The following CSMD1 variants were observed in gnomAD, a reference collection of about 807,000 sequenced individuals.
The protein encoded by CSMD1 is CUB and Sushi multiple domains 1.
Under a neutral mutation model 417.5 loss-of-function variants are expected in CSMD1, and 213 were observed. The ratio of observed to expected loss-of-function variants is 0.51; its 90% CI spans 0.46 to 0.57. The LOEUF is 0.57. CSMD1 is among the 20% of genes least tolerant of loss of function. The pLI is 0.00. For missense variants in CSMD1, 6,923 were observed against 4,529.7 expected, an observed-to-expected ratio of 1.53 and a Z score of -15.17; for synonymous variants, 2,862 against 1,736.8, an observed-to-expected ratio of 1.65 and a Z score of -16.11.
chr8:4,321,344 C>T (rs1799262462), intron 3 of CSMD1, among the ~76,000 whole-genome samples: 2 of 152,124 alleles, frequency 1.3e-5, no homozygotes, highest in African/African-American at 4.8e-5. Context: ...CGTCTTCTCT[C>T]CTCTCCCGCG....
chr8:3,460,514 T>C (rs1816429944), intron 12 of CSMD1, among the ~76,000 whole-genome samples: 2 of 151,902 alleles, frequency 1.3e-5, no homozygotes, highest in Admixed American at 6.6e-5. Context: ...GTGAGCAAAA[T>C]AGAAGAGTTT....
chr8:3,515,173 T>C (rs1357305574), intron 10 of CSMD1: 1 of 152,236 alleles, frequency 6.6e-6, no homozygotes, highest in South Asian at 2.1e-4. Flanking sequence ...ATGAAAGTCC[T>C]ACTCTCTATG....
intron 2 of CSMD1, among the ~76,000 whole-genome samples, chr8:4,449,551 C>G (rs541851446): frequency 5.5e-4 from 84 of 152,222 alleles, no homozygotes; most frequent in Admixed American, 1.5e-3. Context: ...GAAGTTGGAT[C>G]CCAATGGACT....
intron 1 of CSMD1, among the ~76,000 whole-genome samples, chr8:4,942,329 A>G (rs907974785): frequency 3.3e-5 from 5 of 152,038 alleles, no homozygotes; most frequent in Admixed American, 6.6e-5. Flanking sequence ...ACTCTGACAG[A>G]TAGAATAACC....
chr8:3,313,094 G>C (rs1196922601), intron 23 of CSMD1, among the ~76,000 whole-genome samples: 7 of 152,176 alleles, frequency 4.6e-5, no homozygotes, highest in Admixed American at 3.3e-4. Context: ...TTTCAGAAAA[G>C]AATGTTTCCA....
chr8:2,957,649 A>G (rs1803110880), intron 63 of CSMD1, 47 bp downstream of exon 63: 1 of 1,210,076 alleles, frequency 8.3e-7, no homozygotes, highest in Non-Finnish European at 1.2e-6. Context: ...TCAGACATTC[A>G]CAATAAATAG....
rs1051558592 is a variant in CSMD1 at position 4,630,824 on chromosome 8, G to A, written c.302+6518C>T. On this transcript the variant is annotated intron_variant, in intron 2 of 69. Transcript: ENST00000635120. ...TTAAGAAGTCACCTCTGTGTGACAA[G>A]CTCTTCCACTGCTACTTCCCTGGAA... 2.6e-5 allele frequency among the ~76,000 whole-genome samples: 4 copies of A among 152,262 alleles called. No individual in the cohort carries two copies. The South Asian group carries it at 8.3e-4, about 32-fold the overall frequency.
chr8:4,163,318 C>G (rs1310992422), intron 3 of CSMD1, among the ~76,000 whole-genome samples: 1 of 152,168 alleles, frequency 6.6e-6, no homozygotes, highest in African/African-American at 2.4e-5. Flanking sequence ...CAATTGTCTT[C>G]CAAAGTGGCT....
chr8:4,040,000 C>G (rs911166291), intron 3 of CSMD1, among the ~76,000 whole-genome samples: 25 of 152,246 alleles, frequency 1.6e-4, no homozygotes, highest in Non-Finnish European at 3.5e-4. Flanking sequence ...AGGTTAAGTG[C>G]CCCATACATG....
Position 4,420,854 on chromosome 8 carries a change from A to G in CSMD1, c.303-789T>C, listed in dbSNP as rs1288137154. ...TTATTTTTTATGTTATAAAATCCAC[A>G]AACTCCTGTGCTGTGAAGCCTGGTC... is the stretch of plus-strand genomic sequence containing the variant. On this transcript the variant is annotated intron_variant, in intron 2 of 69. Transcript: ENST00000635120. Among the ~76,000 whole-genome samples, 3 of 152,266 alleles carry G rather than the reference A, an allele frequency of 2.0e-5. No homozygotes were observed. The East Asian group carries it at 5.8e-4, about 29-fold the overall frequency.
At chr8:4,679,267 C>T (rs540359468) in intron 1 of CSMD1, among the ~76,000 whole-genome samples, 6 of 152,258 alleles carry the variant, frequency 3.9e-5, no homozygotes, top group South Asian at 4.1e-4. Flanking sequence ...CGTGAACACC[C>T]GAGAAGGTAG....
chr8:3,265,364 C>T (rs762963372), intron 26 of CSMD1, among the ~76,000 whole-genome samples: 2 of 152,116 alleles, frequency 1.3e-5, no homozygotes, highest in East Asian at 1.9e-4. Context: ...AACAGCCAAG[C>T]GTGATAAAGA....
chr8:3,407,502 T>C (rs1022917868), intron 14 of CSMD1, among the ~76,000 whole-genome samples: 1 of 151,018 alleles, frequency 6.6e-6, no homozygotes, highest in Non-Finnish European at 1.5e-5. Flanking sequence ...AAATGATGGA[T>C]GGATGAATGA....
At chr8:3,791,006 C>T (rs1459021357) in intron 5 of CSMD1, among the ~76,000 whole-genome samples, 1 of 152,126 alleles carries the variant, frequency 6.6e-6, no homozygotes, top group Non-Finnish European at 1.5e-5. Context: ...GAATGCAACA[C>T]CTTCAGGTTA....
In CSMD1 at chr8:2,943,098, G is replaced by A. The variant is rs114480977; in HGVS notation, c.10403-494C>T. ...ATGGTGTCATCTGTCTTTATTTTAC[G>A]TACATTCTGAAATTCACAGAAGAGT... On this transcript the variant is annotated intron_variant, in intron 68 of 69. Coordinates refer to ENST00000635120, the MANE Select transcript of CSMD1 (RefSeq NM_033225.6). 6.1e-3 allele frequency among the ~76,000 whole-genome samples: 929 copies of A among 151,948 alleles called. 5 individuals carry two copies. Among genetic ancestry groups the A allele is most frequent in the African/African-American group, 0.021 (867 of 41,410 alleles).
At chr8:3,891,713 C>T (rs1264544066) in intron 5 of CSMD1, among the ~76,000 whole-genome samples, 1 of 151,986 alleles carries the variant, frequency 6.6e-6, no homozygotes, top group Non-Finnish European at 1.5e-5. Context: ...AACTCAGTCT[C>T]CTAACACTAG....
intron 1 of CSMD1, among the ~76,000 whole-genome samples, chr8:4,674,782 G>A (rs181425885): frequency 2.6e-4 from 40 of 152,248 alleles, no homozygotes; most frequent in Admixed American, 1.4e-3. Context: ...AGATTGAATC[G>A]TGTCCCCCTC....
chr8:4,749,654 G>C (rs1282620541), intron 1 of CSMD1, among the ~76,000 whole-genome samples: 1 of 152,054 alleles, frequency 6.6e-6, no homozygotes, highest in Non-Finnish European at 1.5e-5. Context: ...AATAATTCCA[G>C]TTTAGTAATT....
At chr8:3,227,129 G>A (rs531649366) in intron 27 of CSMD1, among the ~76,000 whole-genome samples, 25 of 152,220 alleles carry the variant, frequency 1.6e-4, no homozygotes, top group Non-Finnish European at 2.6e-4. Context: ...GGCTGGACAC[G>A]ATGGCTCACA....
Sources: gnomAD v4.1 joint callset for allele counts (sites outside exome capture counted in the v4.1 genomes callset) on GRCh38, gnomAD v4.1.1 for gene constraint, MANE v1.5 for transcripts, NCBI Gene and HGNC (gene_info 2026-07-23, HGNC 2026-07-21) for gene names.